Variants in ZPBP observed in about 807,000 individuals in gnomAD.
ZPBP encodes the protein zona pellucida-binding protein 1.
A neutral mutation model predicts 44.8 loss-of-function variants in ZPBP; 26 were observed. The ratio of observed to expected loss-of-function variants is 0.58; its 90% CI spans 0.43 to 0.81. The LOEUF (loss-of-function observed/expected upper bound fraction) is 0.81, where lower values mean the gene tolerates loss of function less well. Among genes scored for constraint, ZPBP ranks in the 30% least tolerant of loss-of-function variants. The pLI is 0.00. For missense variants in ZPBP, 409 were observed against 434.0 expected (o/e 0.94, Z 0.51); for synonymous variants, 174 against 153.2 (o/e 1.14, Z -1.00).
intron 7 of ZPBP, among the ~76,000 whole-genome samples, chr7:49,967,184 G>C (rs914612548): frequency 2.6e-5 from 4 of 152,178 alleles, no homozygotes; most frequent in Admixed American, 2.6e-4. Context: ...GGTCCAGTGG[G>C]CAGAGAATAA....
At position 50,002,149 on chromosome 7, in the gene ZPBP, A is replaced by AG. The variant is rs545455236; in HGVS notation, c.783+16090dup. 6.2e-3 allele frequency among the ~76,000 whole-genome samples: 949 copies of AG among 152,200 alleles called. 4 individuals carry two copies. Among genetic ancestry groups the AG allele is most frequent in the Non-Finnish European group, 0.01 (701 of 67,984 alleles). The stretch of plus-strand genomic sequence containing the variant: ...AACTGACTCACAGTTCCACATGGCT[A>AG]GGGGGGCCTCACAATCATGGTGGAA... On this transcript the variant is annotated intron_variant, in intron 6 of 7. Coordinates refer to ENST00000046087, the MANE Select transcript of ZPBP (RefSeq NM_007009.3).
chr7:50,004,269 C>T (rs1314395793), intron 6 of ZPBP, among the ~76,000 whole-genome samples: 1 of 152,084 alleles, frequency 6.6e-6, no homozygotes, highest in Non-Finnish European at 1.5e-5. Flanking sequence ...AGATGCTTGC[C>T]TCCTTTCCTC....
chr7:49,957,427 A>G (rs1453277029), intron 7 of ZPBP, among the ~76,000 whole-genome samples: 4 of 152,174 alleles, frequency 2.6e-5, no homozygotes, highest in Non-Finnish European at 5.9e-5. Context: ...GTGGGCCCTC[A>G]GGACATCGAG....
At chr7:49,968,521 G>C (rs1310910400) in intron 7 of ZPBP, among the ~76,000 whole-genome samples, 2 of 151,888 alleles carry the variant, frequency 1.3e-5, no homozygotes, top group Admixed American at 1.3e-4. Context: ...ATATGGAGCT[G>C]ATTAACTAAA....
chr7:49,857,115 A>G (rs1043656758), intron 2 of ZPBP, among the ~76,000 whole-genome samples: 3 of 150,868 alleles, frequency 2.0e-5, no homozygotes, highest in African/African-American at 4.9e-5. Flanking sequence ...TGGGCATGAT[A>G]TCGTGCAGCA....
chr7:50,058,313 C>T (rs1434746944), intron 3 of ZPBP, among the ~76,000 whole-genome samples, 172 bp from the exon 4 acceptor site: 1 of 152,176 alleles, frequency 6.6e-6, no homozygotes, highest in East Asian at 1.9e-4. Flanking sequence ...GCCAGGATAA[C>T]CTTCTTACTG....
chr7:50,067,771 C>A (rs190322691), intron 3 of ZPBP, among the ~76,000 whole-genome samples: 1 of 152,324 alleles, frequency 6.6e-6, no homozygotes, highest in East Asian at 1.9e-4. Flanking sequence ...ACCAGTAGGG[C>A]AGTGGCAGCT....
intron 2 of ZPBP, among the ~76,000 whole-genome samples, chr7:49,893,838 T>C (rs1792250174): frequency 6.6e-6 from 1 of 151,956 alleles, no homozygotes; most frequent in Non-Finnish European, 1.5e-5. Flanking sequence ...TCAAAAGAGG[T>C]TTGGGATGTA....
intron 2 of ZPBP, among the ~76,000 whole-genome samples, chr7:49,857,753 G>A (rs1790483179): frequency 6.6e-6 from 1 of 152,178 alleles, no homozygotes; most frequent in Non-Finnish European, 1.5e-5. Flanking sequence ...TTCTCAACAA[G>A]TTAAAAACAG....
At chr7:50,011,650 G>A (rs1798590078) in intron 6 of ZPBP, among the ~76,000 whole-genome samples, 1 of 152,154 alleles carries the variant, frequency 6.6e-6, no homozygotes, top group South Asian at 2.1e-4. Context: ...TATACACAGT[G>A]TGTCTTTAAC....
intron 4 of ZPBP, among the ~76,000 whole-genome samples, chr7:50,036,616 CAAATA>C (rs995144409): frequency 5.3e-5 from 8 of 151,898 alleles, no homozygotes; most frequent in African/African-American, 1.9e-4. Flanking sequence ...CATTTTTAAA[CAAATA>C]AAATAGTACT....
At chr7:50,072,270 A>C (rs907216295) in intron 3 of ZPBP, among the ~76,000 whole-genome samples, 13 of 152,148 alleles carry the variant, frequency 8.5e-5, no homozygotes, top group Non-Finnish European at 2.9e-5. Flanking sequence ...CTCCCTTTGG[A>C]AAGAGTAGCA....
intron 2 of ZPBP, among the ~76,000 whole-genome samples, chr7:49,870,504 C>T (rs1791104313): frequency 6.6e-6 from 1 of 152,114 alleles, no homozygotes; most frequent in African/African-American, 2.4e-5. Context: ...CTATCTTTTT[C>T]TGAATATAAA....
At chr7:50,065,075 T>A (rs1200578009) in intron 3 of ZPBP, among the ~76,000 whole-genome samples, 1 of 152,256 alleles carries the variant, frequency 6.6e-6, no homozygotes, top group Non-Finnish European at 1.5e-5. Context: ...TCCCTCCGTT[T>A]GTAGTCCCTG....
chr7:50,072,096 A>T (rs1156569631), intron 3 of ZPBP, among the ~76,000 whole-genome samples: 1 of 152,176 alleles, frequency 6.6e-6, no homozygotes, highest in African/African-American at 2.4e-5. Context: ...ACAGGGCTTG[A>T]TGTTTGGATG....
rs187258670 is a variant in ZPBP, at chr7:49,867,324, G to A, written n.510-16810C>T. Among the ~76,000 whole-genome samples, 158 of 152,262 alleles carry A rather than the reference G, an allele frequency of 1.0e-3. 2 individuals are homozygous for A. Among genetic ancestry groups the A allele is most frequent in the African/African-American group, 3.8e-3 (157 of 41,552 alleles). On this transcript the variant is annotated intron_variant and non_coding_transcript_variant, in intron 2 of 2. Transcript: ENST00000465922. ...GATTGCCAGAAAAGAAGAAGCATGA[G>A]AAACTCAGAAAGGCCGTCCTTACAT...
intron 6 of ZPBP, among the ~76,000 whole-genome samples, chr7:50,015,711 C>G (rs569184228): frequency 6.6e-6 from 1 of 151,444 alleles, no homozygotes; most frequent in African/African-American, 2.4e-5. Flanking sequence ...AAGCAAAATA[C>G]AAACAACCCC....
At chr7:49,874,784 C>G (rs1415339210) in intron 2 of ZPBP, among the ~76,000 whole-genome samples, 2 of 152,110 alleles carry the variant, frequency 1.3e-5, no homozygotes, top group Non-Finnish European at 2.9e-5. Context: ...AGACCAGGAG[C>G]CTCACGTCTC....
intron 7 of ZPBP, among the ~76,000 whole-genome samples, chr7:49,939,831 G>T (rs1168952063): frequency 6.6e-6 from 1 of 152,062 alleles, no homozygotes; most frequent in Admixed American, 6.6e-5. Context: ...GCTGGTGAGT[G>T]GTCACATACT....
Sources: allele counts gnomAD v4.1 joint callset (sites outside exome capture counted in the v4.1 genomes callset), GRCh38; gene constraint gnomAD v4.1.1; transcripts MANE v1.5; gene names NCBI Gene and HGNC (gene_info 2026-07-23, HGNC 2026-07-21).